The following ELN variants were observed in gnomAD, a reference collection of about 807,000 sequenced individuals.
The protein encoded by ELN is tropoelastin.
Under a neutral mutation model 105.8 loss-of-function variants are expected in ELN, and 65 were observed. The ratio of observed to expected loss-of-function variants is 0.61; its 90% confidence interval spans 0.50 to 0.75. ELN has a LOEUF of 0.75. Among genes scored for constraint, ELN ranks in the 30% least tolerant of loss-of-function variants. ELN has a pLI of 0.00. For synonymous variants in ELN, 368 were observed against 389.2 expected (o/e 0.95, Z 0.64); for missense variants, 882 against 969.4 (o/e 0.91, Z 1.20).
chr7:74,029,620 T>A lies in ELN; in HGVS notation c.82+1351T>A, dbSNP rs561536597. 3.9e-5 allele frequency among the ~76,000 whole-genome samples: 6 copies of A among 152,044 alleles called. No individual in the cohort carries two copies. In the South Asian group the frequency reaches 1.2e-3, roughly 32 times the overall value. The stretch of plus-strand genomic sequence containing the variant: ...AGATTGAACAGCTTCCTGTGCAGGG[T>A]CCGCTGCTGGACCTGGATGAGGCCA... On this transcript the variant is annotated intron_variant, in intron 1 of 32. Coordinates refer to ENST00000252034, the MANE Select transcript of ELN (RefSeq NM_000501.4).
intron 26 of ELN, among the ~76,000 whole-genome samples, chr7:74,062,002 A>G (rs982871851): frequency 4.5e-4 from 69 of 152,308 alleles, no homozygotes; most frequent in African/African-American, 1.5e-3. Flanking sequence ...TCCTGCCAGC[A>G]GGACCGCTCC....
At chr7:74,053,962 G>A (rs1385629557) in intron 18 of ELN, among the ~76,000 whole-genome samples, 1 of 151,990 alleles carries the variant, frequency 6.6e-6, no homozygotes, top group East Asian at 1.9e-4. Flanking sequence ...GAAAGAACGG[G>A]TGGATGAATG....
Position 74,046,731 on chromosome 7 carries a change from C to T in ELN, c.607C>T (p.Pro203Ser). The T allele has an allele frequency of 6.2e-7, 1 of 1,614,178 alleles. No homozygotes were observed. Among genetic ancestry groups the T allele is most frequent in the African/African-American group, 1.3e-5 (1 of 75,050 alleles). Residue 203 changes from proline to serine, a missense_variant, in exon 12 of 33, where the codon CCA becomes TCA. Physicochemically the swap from Pro to Ser is moderately conservative, Grantham distance 74. Transcript: ENST00000252034. ...GPFGGPQPGV[P>S]LGYPIKAPKL... is the part of the protein sequence containing the mutation. Reference sequence around the variant, plus strand: ...CTTTGGGGGACCGCAACCTGGAGTCCCACTGGGGTATCCCATCAAGGCCCC... The same window carrying T: ...CTTTGGGGGACCGCAACCTGGAGTCTCACTGGGGTATCCCATCAAGGCCCC...
At chr7:74,059,758 G>C (rs1407876706) in intron 22 of ELN, 128 bp from the exon 23 acceptor site, 1 of 771,594 alleles carries the variant, frequency 1.3e-6, no homozygotes, top group Admixed American at 1.7e-5. Flanking sequence ...GGCCCAGCAA[G>C]GGAAAGTAAC....
At chr7:74,055,894 C>G (rs782152755) in intron 19 of ELN, among the ~76,000 whole-genome samples, 1 of 152,036 alleles carries the variant, frequency 6.6e-6, no homozygotes, top group Non-Finnish European at 1.5e-5. Context: ...TCAAGTGATT[C>G]TCCTACCTCA....
chr7:74,041,170 G>A (rs782123531), intron 4 of ELN, 46 bp from the exon 5 acceptor site: 9 of 1,613,346 alleles, frequency 5.6e-6, no homozygotes, highest in African/African-American at 4.0e-5. Context: ...CCCACTCTGG[G>A]CCTAGGAACA....
At chr7:74,030,563 T>G (rs374476485) in intron 1 of ELN, among the ~76,000 whole-genome samples, 2 of 151,728 alleles carry the variant, frequency 1.3e-5, no homozygotes, top group South Asian at 2.1e-4. Context: ...TTTTTTTACC[T>G]TTTTTATTTT....
chr7:74,052,129 A>G (rs572224028), intron 17 of ELN, 146 bp downstream of exon 17: 2 of 869,304 alleles, frequency 2.3e-6, no homozygotes, highest in Admixed American at 4.6e-5. Flanking sequence ...CCTTCTGATC[A>G]CTCTACCTGA....
rs1429509282 is a variant in ELN at position 74,043,141 on chromosome 7, G to T, written c.400G>T (p.Ala134Ser). ...AGGTGCGGTGGTTCCTCAGCCTGGA[G>T]CCGGAGTGAAGCCTGGGAAAGTGCC... Reference protein sequence around the residue: ...SAGAVVPQPGAGVKPGKVPGV... With the variant: ...SAGAVVPQPGSGVKPGKVPGV... Residue 134 changes from alanine to serine, a missense_variant, in exon 8 of 33, where the codon GCC becomes TCC. Ala to Ser is a moderately conservative substitution (Grantham distance 99). Coordinates refer to ENST00000252034, the MANE Select transcript of ELN (RefSeq NM_000501.4). 1 of 1,610,390 alleles carries T rather than the reference G, an allele frequency of 6.2e-7. No homozygotes were observed. Among genetic ancestry groups the T allele is most frequent in the African/African-American group, 1.3e-5 (1 of 74,874 alleles).
Position 74,063,756 on chromosome 7 carries a change from G to C in ELN, c.1993+61G>C. The C allele has an allele frequency of 1.3e-6, 2 of 1,598,006 alleles. No homozygotes were observed. Among genetic ancestry groups the C allele is most frequent in the Non-Finnish European group, 1.7e-6 (2 of 1,165,860 alleles). ...TGTGTGTATGCGAGACAGAGATGGA[G>C]ACAGAGACAGAGACAGAGACTTTCG... On this transcript the variant is annotated intron_variant, in intron 29 of 32. Transcript: ENST00000252034. The surrounding 1 kb of genome is among the most constrained non-coding windows in gnomAD (Gnocchi z 4.1).
At chr7:74,036,683 T>G in intron 3 of ELN, 99 bp downstream of exon 3, 1 of 1,530,346 alleles carries the variant, frequency 6.5e-7, no homozygotes, top group Non-Finnish European at 9.0e-7. Context: ...GACCCGAGCA[T>G]CAAGGACTCC....
intron 10 of ELN, chr7:74,045,620 A>G (rs1792284081): frequency 2.5e-6 from 1 of 399,388 alleles, no homozygotes; most frequent in African/African-American, 2.1e-5. Flanking sequence ...ACACACACCT[A>G]TGATCCCAAC....
intron 31 of ELN, 125 bp from the exon 32 acceptor site, chr7:74,066,607 T>TG (rs1301189401): frequency 8.1e-5 from 60 of 743,528 alleles, no homozygotes; most frequent in Middle Eastern, 4.8e-4. Flanking sequence ...AATTATATAG[T>TG]GGGGGGGATG....
intron 22 of ELN, chr7:74,059,504 A>G (rs10272300): frequency 0.013 from 4,254 of 334,000 alleles, 191 homozygotes; most frequent in African/African-American, 0.082. Context: ...CAACATGGTG[A>G]AACCCTGTCT....
rs1554665845 is a variant in ELN at position 74,036,562 on chromosome 7, TCTCGGAGC to T, written c.143_150del (p.Leu48ProfsTer14). 1 of 1,614,104 alleles carries T rather than the reference TCTCGGAGC, an allele frequency of 6.2e-7. No individual in the cohort carries two copies. Among genetic ancestry groups the T allele is most frequent in the Admixed American group, 1.7e-5 (1 of 60,022 alleles). On this transcript the variant is annotated frameshift_variant, in exon 3 of 33. Transcript: ENST00000252034. LOFTEE classifies it high-confidence loss of function. Reference sequence around the variant, plus strand: ...CTTTCTCTCCCCCCACAGGGGCTGGTCTCGGAGCCCTTGGAGGAGGAGGTGAGCTCAGA... The same window carrying T: ...CTTTCTCTCCCCCCACAGGGGCTGGTCCTTGGAGGAGGAGGTGAGCTCAGA...
chr7:74,038,005 T>C (rs1292731420), intron 4 of ELN: 6 of 502,622 alleles, frequency 1.2e-5, no homozygotes, highest in Non-Finnish European at 2.2e-5. Context: ...CATGTGCATG[T>C]GTGTTCACCC....
intron 2 of ELN, among the ~76,000 whole-genome samples, chr7:74,036,179 A>G (rs557174318): frequency 5.0e-4 from 76 of 151,918 alleles, no homozygotes; most frequent in African/African-American, 1.8e-3. Context: ...AGTCCCAGCT[A>G]CTCGGGAGGC....
Position 74,055,875 on chromosome 7 carries a change from C to T in ELN, c.1151-396C>T, listed in dbSNP as rs554645807. ...GATCTCCGCTCACTGCAAGCTCCAC[C>T]TTCTGGGTTCAAGTGATTCTCCTAC... On this transcript the variant is annotated intron_variant, in intron 19 of 32. Coordinates refer to ENST00000252034, the MANE Select transcript of ELN (RefSeq NM_000501.4). 8.5e-5 allele frequency among the ~76,000 whole-genome samples: 13 copies of T among 152,168 alleles called. No individual in the cohort carries two copies. The South Asian group carries it at 2.7e-3, about 32-fold the overall frequency.
intron 22 of ELN, among the ~76,000 whole-genome samples, chr7:74,058,143 C>T (rs189692997): frequency 1.3e-5 from 2 of 150,582 alleles, no homozygotes; most frequent in Admixed American, 1.3e-4. Flanking sequence ...CCTTCCTCTT[C>T]TTCTCCTCCT....
Sources: allele counts gnomAD v4.1 joint callset (sites outside exome capture counted in the v4.1 genomes callset), GRCh38; gene constraint gnomAD v4.1.1; non-coding constraint Gnocchi (gnomAD v3.1); transcripts MANE v1.5; gene names NCBI Gene and HGNC (gene_info 2026-07-23, HGNC 2026-07-21).